GRIA4: variants seen among roughly 807,000 people sequenced by gnomAD.
The protein encoded by GRIA4 is glutamate receptor 4.
A neutral mutation model predicts 104.0 loss-of-function variants in GRIA4; 34 were observed. The observed-to-expected ratio is 0.33, with a 90% CI of 0.25 to 0.44. GRIA4 has a LOEUF of 0.44. Among genes scored for constraint, GRIA4 ranks in the 20% least tolerant of loss-of-function variants. The pLI, the probability that GRIA4 is intolerant of heterozygous loss-of-function variation, is 1.00. For synonymous variants in GRIA4, 386 were observed against 381.9 expected, an observed-to-expected ratio of 1.01 and a Z score of -0.13; for missense variants, 750 against 1,096.5, an observed-to-expected ratio of 0.68 and a Z score of 4.46.
intron 4 of GRIA4, among the ~76,000 whole-genome samples, chr11:105,854,249 G>A (rs1022145038): frequency 3.9e-5 from 6 of 152,104 alleles, no homozygotes; most frequent in Admixed American, 1.3e-4. Flanking sequence ...GAAAAGCACA[G>A]GATGAAGGAG....
chr11:105,694,382 C>T (rs1964460), intron 3 of GRIA4, among the ~76,000 whole-genome samples: 66,805 of 151,758 alleles, frequency 0.44, 14,804 homozygotes, highest in East Asian at 0.57. Flanking sequence ...CTCTTGACCT[C>T]GTGATCCACC....
intron 4 of GRIA4, among the ~76,000 whole-genome samples, chr11:105,792,179 G>A (rs1367697050): frequency 6.6e-6 from 1 of 152,104 alleles, no homozygotes; most frequent in Non-Finnish European, 1.5e-5. Context: ...TATTAAGCTT[G>A]TAACATAAAA....
chr11:105,622,666 A>T (rs1242624618), intron 3 of GRIA4, among the ~76,000 whole-genome samples: 1 of 151,744 alleles, frequency 6.6e-6, no homozygotes, highest in Admixed American at 6.6e-5. Context: ...CTCCTTGTCC[A>T]AATCAATGGT....
chr11:105,682,944 A>G (rs1045468220), intron 3 of GRIA4, among the ~76,000 whole-genome samples: 1 of 152,192 alleles, frequency 6.6e-6, no homozygotes, highest in Admixed American at 6.5e-5. Context: ...TAAGCCATCT[A>G]TTATTTTTGA....
intron 4 of GRIA4, among the ~76,000 whole-genome samples, chr11:105,761,257 G>A (rs999379852): frequency 5.9e-5 from 9 of 151,990 alleles, no homozygotes; most frequent in African/African-American, 2.2e-4. Context: ...ATTGAGGTCT[G>A]TTTTTTCTTC....
chr11:105,778,432 C>T (rs112841694), intron 4 of GRIA4, among the ~76,000 whole-genome samples: 2,382 of 152,310 alleles, frequency 0.016, 75 homozygotes, highest in African/African-American at 0.053. Context: ...GGGGGCTGGG[C>T]GCGGTGGCTC....
At chr11:105,657,402 A>G (rs1184416379) in intron 3 of GRIA4, among the ~76,000 whole-genome samples, 1 of 152,018 alleles carries the variant, frequency 6.6e-6, no homozygotes, top group African/African-American at 2.4e-5. Context: ...AACTCTAAAA[A>G]GTTAATATAT....
chr11:105,844,925 T>C (rs1944529572), intron 4 of GRIA4, among the ~76,000 whole-genome samples: 2 of 152,362 alleles, frequency 1.3e-5, no homozygotes, highest in South Asian at 4.1e-4. Context: ...ACAGCGGGAA[T>C]GTAGGTGATT....
Position 105,924,486 on chromosome 11 carries a change from A to G in GRIA4, c.1564A>G (p.Ile522Val). ...DFSKPFMSLG[I>V]SIMIKKPQKS... ...TTCTAAGCCCTTCATGAGTTTGGGC[A>G]TATCTATCATGATCAAAAAGCCTCA... The change falls in exon 12 of 17, where the codon ATA (isoleucine) becomes GTA (valine). Residue 522 changes from isoleucine (I) to valine (V), a missense_variant. Ile to Val is a conservative substitution (Grantham distance 29). This residue lies in a region of GRIA4 where 272 missense variants were observed against 524.5 expected (regional missense o/e 0.52). Coordinates refer to ENST00000282499, the MANE Select transcript of GRIA4 (RefSeq NM_000829.4). 3 of 1,612,982 alleles carry G rather than the reference A, an allele frequency of 1.9e-6. No homozygotes were observed. The highest frequency in any genetic ancestry group is 2.5e-6 in the Non-Finnish European group (3 of 1,179,124).
rs551929350 is a variant in GRIA4, at chr11:105,801,213, T to C, written c.487+47993T>C. Reference sequence around the variant, plus strand: ...GAAACTGTATTTAAATGTATCTACCTGTTGAAATATTTAAATATTTAATAT... The same window carrying C: ...GAAACTGTATTTAAATGTATCTACCCGTTGAAATATTTAAATATTTAATAT... On this transcript the variant is annotated intron_variant, in intron 4 of 16. Transcript: ENST00000282499. Among the ~76,000 whole-genome samples, 28 of 151,714 alleles carry C rather than the reference T, an allele frequency of 1.8e-4. No homozygotes were observed. The East Asian group carries it at 5.1e-3, about 27-fold the overall frequency.
At chr11:105,637,972 T>C (rs1288525485) in intron 3 of GRIA4, among the ~76,000 whole-genome samples, 1 of 152,166 alleles carries the variant, frequency 6.6e-6, no homozygotes, top group African/African-American at 2.4e-5. Context: ...AATTGACAAA[T>C]AATTGTGTAT....
intron 4 of GRIA4, among the ~76,000 whole-genome samples, chr11:105,788,757 G>A (rs1942086972): frequency 6.6e-6 from 1 of 152,076 alleles, no homozygotes; most frequent in Non-Finnish European, 1.5e-5. Context: ...ATGAGGTTGG[G>A]GATAGTGAGG....
chr11:105,814,517 T>G (rs1024062527), intron 4 of GRIA4, among the ~76,000 whole-genome samples: 3 of 152,192 alleles, frequency 2.0e-5, no homozygotes, highest in African/African-American at 7.2e-5. Context: ...CAAGTTAATC[T>G]CTATGAATTT....
intron 1 of GRIA4, 30 bp from the exon 2 acceptor site, chr11:105,610,870 CTTTTTTTT>C (rs55973528): frequency 7.6e-5 from 27 of 357,348 alleles, no homozygotes; most frequent in East Asian, 1.3e-4. Flanking sequence ...TCTTTCTTTT[CTTTTTTTT>C]TTTTTTTTTT....
chr11:105,850,920 T>A (rs1300091883), intron 4 of GRIA4, among the ~76,000 whole-genome samples: 4 of 152,118 alleles, frequency 2.6e-5, no homozygotes, highest in African/African-American at 9.7e-5. Context: ...TGGAATTAAG[T>A]TTGCATTGTA....
At chr11:105,662,227 A>G (rs556221517) in intron 3 of GRIA4, among the ~76,000 whole-genome samples, 18 of 151,994 alleles carry the variant, frequency 1.2e-4, no homozygotes, top group Non-Finnish European at 2.1e-4. Context: ...CCCTTCTAAA[A>G]ATATTCATTT....
At chr11:105,687,898 A>G (rs1259004417) in intron 3 of GRIA4, among the ~76,000 whole-genome samples, 2 of 152,204 alleles carry the variant, frequency 1.3e-5, no homozygotes, top group Non-Finnish European at 2.9e-5. Flanking sequence ...AGGCATGATT[A>G]TCAATTTTAT....
At chr11:105,876,854 T>G (rs1359760054) in intron 5 of GRIA4, among the ~76,000 whole-genome samples, 1 of 152,228 alleles carries the variant, frequency 6.6e-6, no homozygotes, top group Non-Finnish European at 1.5e-5. Context: ...CGATGGGTCT[T>G]GACCCTTTAT....
intron 3 of GRIA4, among the ~76,000 whole-genome samples, chr11:105,643,019 T>C (rs548470801): frequency 6.6e-6 from 1 of 151,894 alleles, no homozygotes; most frequent in African/African-American, 2.4e-5. Context: ...TGCTGAGCAA[T>C]AGGGGGAAAA....
Sources: gnomAD v4.1 joint callset for allele counts (sites outside exome capture counted in the v4.1 genomes callset) on GRCh38, gnomAD v4.1.1 for gene constraint, gnomAD v4.1.1 regional missense constraint, MANE v1.5 for transcripts, NCBI Gene and HGNC (gene_info 2026-07-23, HGNC 2026-07-21) for gene names.